LAMA3: variants seen among roughly 807,000 people sequenced by gnomAD.
LAMA3 encodes laminin subunit alpha 3.
In LAMA3, 281 loss-of-function variants were observed where a neutral mutation model predicts 402.0. The ratio of observed to expected loss-of-function variants is 0.70; its 90% confidence interval spans 0.63 to 0.77. LAMA3 has a LOEUF of 0.77. LAMA3 is among the 30% of genes least tolerant of loss of function. LAMA3 has a pLI of 0.00. For missense variants in LAMA3, 3,840 were observed against 4,215.5 expected (o/e 0.91, Z 2.47); for synonymous variants, 1,431 against 1,558.4 (o/e 0.92, Z 1.93).
chr18:23,742,122 A>AAAAC (rs1484942609), intron 2 of LAMA3, among the ~76,000 whole-genome samples: 2 of 152,242 alleles, frequency 1.3e-5, no homozygotes, highest in Non-Finnish European at 2.9e-5. Flanking sequence ...ACTCTGACTC[A>AAAAC]AAACAAACAA....
intron 1 of LAMA3, among the ~76,000 whole-genome samples, chr18:23,697,921 T>C (rs2060713502): frequency 6.6e-6 from 1 of 151,998 alleles, no homozygotes; most frequent in African/African-American, 2.4e-5. Context: ...CTCCTTAGCT[T>C]GTAGACGGCC....
At chr18:23,951,832 T>C in intron 73 of LAMA3, 55 bp downstream of exon 73, 1 of 1,392,940 alleles carries the variant, frequency 7.2e-7, no homozygotes, top group Non-Finnish European at 1.0e-6. Context: ...CCTTTCCATT[T>C]TGACTTGAAC....
chr18:23,895,161 G>T, intron 44 of LAMA3, 103 bp downstream of exon 44: 1 of 1,325,160 alleles, frequency 7.5e-7, no homozygotes, highest in Non-Finnish European at 1.0e-6. Context: ...AAAGGCTCAG[G>T]GGTTGTCCTC....
At chr18:23,913,417 T>G (rs2081503461) in intron 56 of LAMA3, among the ~76,000 whole-genome samples, 1 of 152,236 alleles carries the variant, frequency 6.6e-6, no homozygotes, top group South Asian at 2.1e-4. Context: ...TCTTTATCAG[T>G]GTAAATTCAT....
In LAMA3 at chr18:23,824,456, C is replaced by CGAGT; in HGVS notation, c.2463_2466dup (p.Lys823GlufsTer2). ...CAAAGCAAAGAGATCATCTTCCTGC[C>CGAGT]GAGTAAGGAGCCAGCCTTTGTCACT... On this transcript the variant is annotated frameshift_variant, in exon 21 of 75. Coordinates refer to ENST00000313654, the MANE Select transcript of LAMA3 (RefSeq NM_198129.4). LOFTEE classifies it high-confidence loss of function. 1 of 1,614,054 alleles carries CGAGT rather than the reference C, an allele frequency of 6.2e-7. No homozygotes were observed. Among genetic ancestry groups the CGAGT allele is most frequent in the Non-Finnish European group, 8.5e-7 (1 of 1,179,974 alleles).
At chr18:23,725,638 C>T (rs2061287948) in intron 2 of LAMA3, among the ~76,000 whole-genome samples, 1 of 152,176 alleles carries the variant, frequency 6.6e-6, no homozygotes. Context: ...CCCAGGCGGC[C>T]TCAGGGCACA....
intron 2 of LAMA3, among the ~76,000 whole-genome samples, chr18:23,733,508 C>T (rs1300479459): frequency 6.6e-6 from 1 of 152,114 alleles, no homozygotes; most frequent in Non-Finnish European, 1.5e-5. Context: ...ACGGGAGAAA[C>T]TCCCTCCATG....
chr18:23,879,036 G>A lies in LAMA3; in HGVS notation c.5112+2629G>A, dbSNP rs564807693. On this transcript the variant is annotated intron_variant, in intron 39 of 74. Transcript: ENST00000313654. The surrounding 1 kb of genome is among the most constrained non-coding windows in gnomAD (Gnocchi z 4.2). ...CCCGTCACCCCTTATTTTCCTCTCC[G>A]TTCCTATTTCCCTCCCCTTTTCTTT... 1.7e-4 allele frequency among the ~76,000 whole-genome samples: 24 copies of A among 145,066 alleles called. No homozygotes were observed. Among genetic ancestry groups the A allele is most frequent in the Admixed American group, 5.0e-4 (7 of 14,084 alleles).
rs754930340 is a variant in LAMA3 at position 23,953,010 on chromosome 18, C to T, written c.9757C>T (p.Leu3253=). 1 of 1,614,154 alleles carries T rather than the reference C, an allele frequency of 6.2e-7. No homozygotes were observed. Residue 3253 remains leucine, a synonymous_variant, in exon 74 of 75, where the codon CTG becomes TTG. Transcript: ENST00000313654. ...CCCAGTCACCATAAAACAACACATCCTGCACCTGGAACTGGACACAGACAG... is the reference window on the plus strand; with the variant it reads ...CCCAGTCACCATAAAACAACACATCTTGCACCTGGAACTGGACACAGACAG... ...SVAVTIKQHI[L]HLELDTDSSY...
intron 44 of LAMA3, among the ~76,000 whole-genome samples, chr18:23,897,138 A>G (rs2080902334): frequency 6.6e-6 from 1 of 152,224 alleles, no homozygotes; most frequent in East Asian, 1.9e-4. Flanking sequence ...AAAAGACCCA[A>G]TTGAAAATCA....
intron 2 of LAMA3, among the ~76,000 whole-genome samples, chr18:23,719,188 A>G (rs1334480746): frequency 6.6e-6 from 1 of 152,188 alleles, no homozygotes; most frequent in Non-Finnish European, 1.5e-5. Context: ...AGAGGGCCCA[A>G]ACTAAGACAG....
At chr18:23,843,772 C>G (rs893956214) in intron 29 of LAMA3, among the ~76,000 whole-genome samples, 1 of 152,208 alleles carries the variant, frequency 6.6e-6, no homozygotes, top group African/African-American at 2.4e-5. Flanking sequence ...TTATCTTTCT[C>G]TCTGCCATTG....
chr18:23,822,381 G>A lies in LAMA3; in HGVS notation c.2428+6G>A. 5.0e-6 allele frequency: 8 copies of A among 1,613,128 alleles called. No homozygotes were observed. Among genetic ancestry groups the A allele is most frequent in the Non-Finnish European group, 6.8e-6 (8 of 1,179,230 alleles). Reference sequence around the variant, plus strand: ...AACTATTTATCCATCCTGGGGTAAGGCACGTAGGTAAAATGTCAAGCCTCT... The same window carrying A: ...AACTATTTATCCATCCTGGGGTAAGACACGTAGGTAAAATGTCAAGCCTCT... On this transcript the variant is annotated splice_donor_region_variant and intron_variant, in intron 20 of 74. Transcript: ENST00000313654.
intron 5 of LAMA3, among the ~76,000 whole-genome samples, chr18:23,752,675 T>C (rs921011313): frequency 6.6e-6 from 1 of 152,180 alleles, no homozygotes; most frequent in Non-Finnish European, 1.5e-5. Flanking sequence ...ACTTTATCTG[T>C]ATTAACAAGG....
intron 68 of LAMA3, among the ~76,000 whole-genome samples, chr18:23,941,297 C>T (rs936172421): frequency 7.8e-4 from 112 of 144,070 alleles, no homozygotes; most frequent in Non-Finnish European, 1.2e-3. Context: ...CCTCTGGCCT[C>T]CCCCTTGTGG....
At chr18:23,953,950 A>G (rs2083019821) in intron 74 of LAMA3, among the ~76,000 whole-genome samples, 1 of 152,210 alleles carries the variant, frequency 6.6e-6, no homozygotes, top group African/African-American at 2.4e-5. Context: ...AAAAAGTACC[A>G]GTTTAGAGCT....
At chr18:23,779,400 A>T (rs982525778) in intron 11 of LAMA3, among the ~76,000 whole-genome samples, 3 of 152,198 alleles carry the variant, frequency 2.0e-5, no homozygotes, top group Non-Finnish European at 4.4e-5. Flanking sequence ...AGCAGTGGAC[A>T]GACTGTGGAT....
At chr18:23,785,366 A>T (rs1238831334) in intron 12 of LAMA3, among the ~76,000 whole-genome samples, 4 of 152,200 alleles carry the variant, frequency 2.6e-5, no homozygotes, top group Admixed American at 6.5e-5. Context: ...AAGGAACTGT[A>T]AGCATGAAAA....
intron 12 of LAMA3, among the ~76,000 whole-genome samples, chr18:23,786,830 A>G (rs952327453): frequency 2.0e-5 from 3 of 152,250 alleles, no homozygotes; most frequent in African/African-American, 4.8e-5. Flanking sequence ...AAAATAACCA[A>G]ATGGAACTTT....
Sources: allele counts gnomAD v4.1 joint callset (sites outside exome capture counted in the v4.1 genomes callset), GRCh38; gene constraint gnomAD v4.1.1; non-coding constraint Gnocchi (gnomAD v3.1); transcripts MANE v1.5; gene names NCBI Gene and HGNC (gene_info 2026-07-23, HGNC 2026-07-21).